ALDH7A1: variants seen among roughly 807,000 people sequenced by gnomAD.
ALDH7A1 encodes alpha-aminoadipic semialdehyde dehydrogenase.
In ALDH7A1, 63 loss-of-function variants were observed where a neutral mutation model predicts 79.9. The ratio of observed to expected loss-of-function variants is 0.79; its 90% CI spans 0.64 to 0.97. The LOEUF is 0.97. ALDH7A1 is among the 50% of genes least tolerant of loss of function. The probability of loss-of-function intolerance (pLI) is 0.00; values close to 1 mark genes in which losing one functional copy is unlikely to be tolerated. For missense variants in ALDH7A1, 627 were observed against 665.2 expected, an observed-to-expected ratio of 0.94 and a Z score of 0.63; for synonymous variants, 240 against 231.2, an observed-to-expected ratio of 1.04 and a Z score of -0.34.
rs1450133957 is a variant in ALDH7A1 at position 126,582,976 on chromosome 5, T to A, written c.394-2A>T. 6.2e-7 allele frequency: 1 copy of A among 1,613,930 alleles called. No individual in the cohort carries two copies. Among genetic ancestry groups the A allele is most frequent in the Admixed American group, 1.7e-5 (1 of 60,012 alleles). On this transcript the variant is annotated splice_acceptor_variant, in intron 4 of 17. Transcript: ENST00000409134. LOFTEE classifies it high-confidence loss of function. ...GATTTTCCCCATCTCCAAAGACACC[T>A]AGAAATATAAAACGACAAGCAGAAT... is the stretch of plus-strand genomic sequence containing the variant.
intron 5 of ALDH7A1, chr5:126,581,369 C>T (rs1431453025): frequency 1.3e-5 from 2 of 152,128 alleles, no homozygotes; most frequent in Non-Finnish European, 2.9e-5. Flanking sequence ...GACACAGTGG[C>T]TCACGCCTGC....
At chr5:126,571,176 T>TTTTTA in intron 7 of ALDH7A1, 2 of 305,566 alleles carry the variant, frequency 6.5e-6, no homozygotes, top group African/African-American at 2.6e-5. Context: ...TTTTTTTTTT[T>TTTTTA]AGCCCTAAAA....
At chr5:126,568,009 T>C in intron 9 of ALDH7A1, 1 of 407,842 alleles carries the variant, frequency 2.5e-6, no homozygotes, top group Non-Finnish European at 4.6e-6. Flanking sequence ...GGTCTGGATC[T>C]CCTGACCTTG....
rs1750312383 is a variant in ALDH7A1 at position 126,559,327 on chromosome 5, T to C, written c.921A>G (p.Glu307=). The C allele has an allele frequency of 3.7e-6, 6 of 1,613,648 alleles. No homozygotes were observed. The South Asian group carries it at 4.4e-5, about 12-fold the overall frequency. The change falls in exon 11 of 18, where the codon GAA becomes GAG. Residue 307 remains glutamate, a synonymous_variant. Transcript: ENST00000409134. ...GAACAACTAAGCTGAGGTCTGCATC[T>C]TCAAAGGCTTAGGAAAGCACAAACA... ...LGGNNAIIAF[E]DADLSLVVPS...
intron 9 of ALDH7A1, chr5:126,564,694 T>C: frequency 1.9e-6 from 1 of 537,900 alleles, no homozygotes; most frequent in Non-Finnish European, 2.9e-6. Context: ...GCTGCAATCA[T>C]TGAATTAATG....
intron 1 of ALDH7A1, 127 bp from the exon 2 acceptor site, chr5:126,593,531 G>C (rs1751632714): frequency 6.6e-6 from 9 of 1,354,968 alleles, no homozygotes; most frequent in Middle Eastern, 2.4e-4. Flanking sequence ...AAAAAGCTTA[G>C]GTTAACTTCT....
intron 3 of ALDH7A1, among the ~76,000 whole-genome samples, chr5:126,590,397 T>A (rs933458556): frequency 2.0e-5 from 3 of 152,188 alleles, no homozygotes; most frequent in Non-Finnish European, 2.9e-5. Flanking sequence ...GGAGAATATA[T>A]TTTTTAAAAA....
intron 3 of ALDH7A1, 183 bp downstream of exon 3, chr5:126,592,481 A>G: frequency 1.6e-6 from 1 of 625,294 alleles, no homozygotes. Context: ...AAAAGGCACT[A>G]CCCTAGAAAT....
chr5:126,545,007 G>GTAGT lies in ALDH7A1; in HGVS notation c.1574_1577dup (p.Tyr526Ter). 1 of 1,608,558 alleles carries GTAGT rather than the reference G, an allele frequency of 6.2e-7. No individual in the cohort carries two copies. ...CTTGGGCCAGAGGAAGGTCTTTACT[G>GTAGT]TAGTTGATAGTACTAGTGGGAAAAA... On this transcript the variant is annotated stop_gained and frameshift_variant, in exon 18 of 18. Transcript: ENST00000409134. LOFTEE classifies it high-confidence loss of function.
intron 9 of ALDH7A1, among the ~76,000 whole-genome samples, chr5:126,565,275 C>G (rs1209942118): frequency 6.6e-6 from 1 of 151,782 alleles, no homozygotes; most frequent in African/African-American, 2.4e-5. Flanking sequence ...TGCCTGTAAT[C>G]CCAGCTACTT....
chr5:126,584,059 A>T (rs777938627), intron 3 of ALDH7A1, 47 bp from the exon 4 acceptor site: 1 of 1,472,834 alleles, frequency 6.8e-7, no homozygotes, highest in East Asian at 2.3e-5. Context: ...GCATAAATTC[A>T]TGTTTATAAC....
Position 126,554,405 on chromosome 5 carries a change from A to C in ALDH7A1, c.1094-12T>G. The C allele has an allele frequency of 6.2e-7, 1 of 1,611,938 alleles. No homozygotes were observed. Among genetic ancestry groups the C allele is most frequent in the Non-Finnish European group, 8.5e-7 (1 of 1,177,964 alleles). On this transcript the variant is annotated splice_polypyrimidine_tract_variant and intron_variant, in intron 12 of 17. Coordinates refer to ENST00000409134, the MANE Select transcript of ALDH7A1 (RefSeq NM_001182.5). ...ATAGAGAACATTAGCTGGAGAGAGA[A>C]AAGGAAGGCTGGCTCATCATTTTGC...
At chr5:126,565,394 CAAAAAAAAAAA>C (rs1162552475) in intron 9 of ALDH7A1, among the ~76,000 whole-genome samples, 13 of 63,350 alleles carry the variant, frequency 2.1e-4, no homozygotes, top group East Asian at 7.9e-4. Flanking sequence ...GATTCCATCT[CAAAAAAAAAAA>C]AAAAAAAAAA....
chr5:126,574,766 T>C (rs1383978963), intron 7 of ALDH7A1, among the ~76,000 whole-genome samples: 2 of 151,582 alleles, frequency 1.3e-5, no homozygotes, highest in Non-Finnish European at 2.9e-5. Context: ...TCCACCCCAA[T>C]TTCTCTACTA....
chr5:126,562,655 C>G (rs1196176272), intron 9 of ALDH7A1, among the ~76,000 whole-genome samples: 1 of 152,220 alleles, frequency 6.6e-6, no homozygotes, highest in East Asian at 2.0e-4. Flanking sequence ...CAAGACCATC[C>G]TGGCCAACAT....
rs190192782 is a variant in ALDH7A1 at position 126,577,374 on chromosome 5, A to G, written c.518-163T>C. Reference sequence around the variant, plus strand: ...TCAGTACATTAACTAATGTACAACAAAAGTGGTTATTACCACACTACCTTG... The same window carrying G: ...TCAGTACATTAACTAATGTACAACAGAAGTGGTTATTACCACACTACCTTG... On this transcript the variant is annotated intron_variant, in intron 5 of 17. Transcript: ENST00000409134. Among the ~76,000 whole-genome samples the G allele has an allele frequency of 2.1e-4, 32 of 152,324 alleles. No individual in the cohort carries two copies. The East Asian group carries it at 6.2e-3, about 29-fold the overall frequency.
intron 11 of ALDH7A1, among the ~76,000 whole-genome samples, chr5:126,558,835 TA>T (rs1424658313): frequency 1.3e-5 from 2 of 152,248 alleles, no homozygotes; most frequent in African/African-American, 2.4e-5. Context: ...CTAAAATGTT[TA>T]AAATGTTTTA....
chr5:126,582,219 G>A (rs1408963146), intron 5 of ALDH7A1: 1 of 398,308 alleles, frequency 2.5e-6, no homozygotes, highest in Non-Finnish European at 4.4e-6. Flanking sequence ...CTATGGCTTA[G>A]TCATGGGGGT....
chr5:126,583,966 G>A lies in ALDH7A1; in HGVS notation c.359C>T (p.Ala120Val), dbSNP rs549279821. 1.2e-6 allele frequency: 2 copies of A among 1,614,128 alleles called. No homozygotes were observed. Among genetic ancestry groups the A allele is most frequent in the South Asian group, 1.1e-5 (1 of 91,082 alleles). ...RGEIVRQIGDALREKIQVLGS... is the reference protein window; with the variant it reads ...RGEIVRQIGDVLREKIQVLGS... ...TAGTACTTGGATCTTCTCCCGCAAG[G>A]CATCGCCAATCTGTCTTACTATTTC... Residue 120 changes from alanine to valine, a missense_variant, in exon 4 of 18, where the codon GCC (alanine) becomes GTC (valine). Transcript: ENST00000409134.
Sources: allele counts gnomAD v4.1 joint callset (sites outside exome capture counted in the v4.1 genomes callset), GRCh38; gene constraint gnomAD v4.1.1; transcripts MANE v1.5; gene names NCBI Gene and HGNC (gene_info 2026-07-23, HGNC 2026-07-21).